BICD1: variants seen among roughly 807,000 people sequenced by gnomAD.
The protein encoded by BICD1 is protein bicaudal D homolog 1.
A neutral mutation model predicts 92.5 loss-of-function variants in BICD1; 35 were observed. That is an observed-to-expected ratio of 0.38 (90% confidence interval 0.29 to 0.50). The LOEUF (loss-of-function observed/expected upper bound fraction) is 0.50. Ranked by LOEUF, BICD1 falls within the 20% of genes least tolerant of loss-of-function variation. The probability of loss-of-function intolerance (pLI) is 0.93; values close to 1 mark genes in which losing one functional copy is unlikely to be tolerated. For missense variants in BICD1, 950 were observed against 1,189.8 expected, an observed-to-expected ratio of 0.80 and a Z score of 2.97; for synonymous variants, 429 against 465.1, an observed-to-expected ratio of 0.92 and a Z score of 1.00.
At chr12:32,342,934 C>T (rs1029386062) in intron 8 of BICD1, among the ~76,000 whole-genome samples, 3 of 152,164 alleles carry the variant, frequency 2.0e-5, no homozygotes, top group Non-Finnish European at 4.4e-5. Context: ...TTATACTGAT[C>T]GGTTTGCTGC....
chr12:32,349,178 C>CCGTAT (rs1165990359), intron 8 of BICD1, among the ~76,000 whole-genome samples: 2 of 152,104 alleles, frequency 1.3e-5, no homozygotes, highest in African/African-American at 4.8e-5. Context: ...AGAGAGCCAT[C>CCGTAT]CGTATCTTCT....
At chr12:32,365,434 T>C (rs1939492919) in intron 8 of BICD1, among the ~76,000 whole-genome samples, 1 of 152,194 alleles carries the variant, frequency 6.6e-6, no homozygotes, top group African/African-American at 2.4e-5. Flanking sequence ...TAATAATCTG[T>C]GACTGTATTG....
intron 2 of BICD1, among the ~76,000 whole-genome samples, chr12:32,231,631 C>T (rs1945891587): frequency 6.6e-6 from 1 of 151,376 alleles, no homozygotes; most frequent in South Asian, 2.1e-4. Flanking sequence ...GGTACATGTG[C>T]ACATTGTGCA....
In BICD1 at chr12:32,379,867, G is replaced by C. The variant is rs1184098721; in HGVS notation, c.*2240G>C. 6.6e-6 allele frequency: 1 copy of C among 152,198 alleles called. No individual in the cohort carries two copies. Among genetic ancestry groups the C allele is most frequent in the Non-Finnish European group, 1.5e-5 (1 of 68,046 alleles). 9.4% of individuals were successfully genotyped at this position (152,198 alleles called of 1,614,324 possible). On this transcript the variant is annotated 3_prime_UTR_variant, in exon 10 of 10. Transcript: ENST00000652176. ...GCAGGAAGTATTGTCTGTGTGTGAT[G>C]ACGGGGCAGTATTGCCAGTCGGCAA...
intron 1 of BICD1, among the ~76,000 whole-genome samples, chr12:32,143,665 G>A (rs1592368877): frequency 1.3e-5 from 2 of 152,110 alleles, no homozygotes; most frequent in African/African-American, 2.4e-5. Context: ...ACATGTTTGC[G>A]AATTTCTATG....
chr12:32,357,156 C>T (rs183642605), intron 8 of BICD1, among the ~76,000 whole-genome samples: 11 of 151,838 alleles, frequency 7.2e-5, no homozygotes, highest in South Asian at 2.1e-4. Flanking sequence ...GGATTACAGG[C>T]GCACGCCACC....
rs545375886 is a variant in BICD1, at chr12:32,354,254, T to A, written c.2765-13416T>A. On this transcript the variant is annotated intron_variant, in intron 8 of 9. Coordinates refer to ENST00000652176, the MANE Select transcript of BICD1 (RefSeq NM_001714.4). ...TAACCACTGAAAAATCTAAAAATGC[T>A]CCCTCTCTACTTAGCAAGGCATGCT... The A allele has an allele frequency of 2.0e-5, 3 of 152,288 alleles. No individual in the cohort carries two copies. In the South Asian group the frequency reaches 6.2e-4, roughly 32 times the overall value. 9.4% of individuals were successfully genotyped at this position (152,288 alleles called of 1,614,324 possible).
In BICD1 at chr12:32,288,816, A is replaced by G. The variant is rs184808874; in HGVS notation, c.427-5178A>G. On this transcript the variant is annotated intron_variant, in intron 2 of 9. Transcript: ENST00000652176. ...GGGAGGCGGAGGTTGCAGTGAGCCA[A>G]GATCATGCCACTGTACTCCAGCCTG... is the stretch of plus-strand genomic sequence containing the variant. Among the ~76,000 whole-genome samples the G allele has an allele frequency of 3.4e-3, 523 of 152,180 alleles. 1 individual carries two copies. Among genetic ancestry groups the G allele is most frequent in the Non-Finnish European group, 5.3e-3 (361 of 68,014 alleles).
intron 1 of BICD1, among the ~76,000 whole-genome samples, chr12:32,194,269 G>T (rs571722224): frequency 2.0e-5 from 3 of 152,102 alleles, no homozygotes; most frequent in African/African-American, 4.8e-5. Flanking sequence ...AAAGCTAAAA[G>T]CTTTTCCTCT....
At chr12:32,325,346 G>T (rs1948750612) in intron 4 of BICD1, among the ~76,000 whole-genome samples, 1 of 152,196 alleles carries the variant, frequency 6.6e-6, no homozygotes, top group Admixed American at 6.5e-5. Flanking sequence ...GAATGAAGTG[G>T]TGTCATTGGC....
intron 2 of BICD1, among the ~76,000 whole-genome samples, chr12:32,235,867 AT>A (rs1327228442): frequency 6.6e-6 from 1 of 150,806 alleles, no homozygotes; most frequent in Non-Finnish European, 1.5e-5. Context: ...CACCCAGCTA[AT>A]TTTTTTGTAT....
chr12:32,147,634 A>C (rs187425476), intron 1 of BICD1, among the ~76,000 whole-genome samples: 1 of 152,284 alleles, frequency 6.6e-6, no homozygotes, highest in East Asian at 1.9e-4. Flanking sequence ...AATCTTTTTC[A>C]AGTTTTCTAG....
chr12:32,269,213 T>A (rs1057005782), intron 2 of BICD1, among the ~76,000 whole-genome samples: 9 of 152,286 alleles, frequency 5.9e-5, no homozygotes, highest in Non-Finnish European at 1.2e-4. Context: ...TAATACTGAA[T>A]GACAAGTTAG....
intron 1 of BICD1, among the ~76,000 whole-genome samples, chr12:32,126,067 A>AAAAAAT (rs1555129042): frequency 6.7e-6 from 1 of 148,890 alleles, no homozygotes; most frequent in African/African-American, 2.5e-5. Flanking sequence ...AAAAAAAAAA[A>AAAAAAT]AAGCAGTGCA....
At chr12:32,247,235 T>TAAAAA (rs139555391) in intron 2 of BICD1, among the ~76,000 whole-genome samples, 1 of 64,296 alleles carries the variant, frequency 1.6e-5, no homozygotes, top group African/African-American at 1.2e-4. Context: ...AGACCCTGTA[T>TAAAAA]CAAAAAAAAA....
chr12:32,117,681 CATAT>C (rs59928422), intron 1 of BICD1, among the ~76,000 whole-genome samples: 78 of 136,992 alleles, frequency 5.7e-4, no homozygotes, highest in African/African-American at 1.4e-3. Context: ...TACGCTTAGT[CATAT>C]ATATATATAT....
chr12:32,362,748 A>T (rs1283053348), intron 8 of BICD1, among the ~76,000 whole-genome samples: 1 of 152,184 alleles, frequency 6.6e-6, no homozygotes, highest in Non-Finnish European at 1.5e-5. Flanking sequence ...TAACTGTGTG[A>T]CCTTGGGCAA....
intron 1 of BICD1, among the ~76,000 whole-genome samples, chr12:32,193,754 T>C (rs777354196): frequency 3.9e-5 from 6 of 152,230 alleles, no homozygotes; most frequent in Non-Finnish European, 8.8e-5. Flanking sequence ...AGATGGCTTC[T>C]TTGGTGAGTT....
At chr12:32,159,089 A>G (rs1384448189) in intron 1 of BICD1, among the ~76,000 whole-genome samples, 1 of 152,040 alleles carries the variant, frequency 6.6e-6, no homozygotes, top group Non-Finnish European at 1.5e-5. Flanking sequence ...GCGCACCACC[A>G]TGCCCAGCTA....
Sources: allele counts gnomAD v4.1 joint callset (sites outside exome capture counted in the v4.1 genomes callset), GRCh38; gene constraint gnomAD v4.1.1; transcripts MANE v1.5; gene names NCBI Gene and HGNC (gene_info 2026-07-23, HGNC 2026-07-21).